COL4A6: variants seen among roughly 807,000 people sequenced by gnomAD.
COL4A6 encodes the protein collagen type IV alpha 6 chain.
Under a neutral mutation model 126.7 loss-of-function variants are expected in COL4A6, and 59 were observed. That is an observed-to-expected ratio of 0.47 (90% CI 0.38 to 0.58). The LOEUF is 0.58. Ranked by LOEUF, COL4A6 falls within the 20% of genes least tolerant of loss-of-function variation. The pLI is 0.00. For missense variants in COL4A6, 1,285 were observed against 1,337.3 expected, an observed-to-expected ratio of 0.96 and a Z score of 0.61; for synonymous variants, 547 against 496.6, an observed-to-expected ratio of 1.10 and a Z score of -1.35.
chrX:108,199,042 G>A (rs1185466474), intron 13 of COL4A6, among the ~76,000 whole-genome samples: 2 of 111,506 alleles, frequency 1.8e-5, no homozygotes, highest in Non-Finnish European at 3.8e-5. Context: ...GATAAAATGT[G>A]TGAGGTGAGG....
At position 108,161,633 on chromosome X, in the gene COL4A6, G is replaced by A. The variant is rs1450780947; in HGVS notation, c.4319C>T (p.Pro1440Leu). The A allele has an allele frequency of 1.7e-6, 2 of 1,143,604 alleles. No individual in the cohort carries two copies. The highest frequency in any genetic ancestry group is 2.3e-6 in the Non-Finnish European group (2 of 860,209). The allele number at this position is 1,143,604 out of a possible 1,213,427, so 94.2% of individuals were successfully genotyped here. A position where few individuals can be genotyped will look rare whatever the true frequency, so the allele number is the denominator to read the frequency against. Residue 1440 changes from proline (P) to leucine (L), a missense_variant, in exon 42 of 45, where the codon CCT becomes CTT. By Grantham distance (98) the Pro-to-Leu change is moderately conservative (BLOSUM62 -3). Transcript: ENST00000334504. Reference protein sequence around the residue: ...GDPGLPGLQGPPGFEGAPGQQ... With the variant: ...GDPGLPGLQGLPGFEGAPGQQ... ...CATCATCAGACCTTCAAATCCTGGA[G>A]GGCCTTGCAGTCCAGGCAGACCAGG...
intron 42 of COL4A6, among the ~76,000 whole-genome samples, chrX:108,160,857 G>A (rs2033909087): frequency 8.9e-6 from 1 of 112,324 alleles, no homozygotes; most frequent in Non-Finnish European, 1.9e-5. Flanking sequence ...CTAGTAAGTG[G>A]TAGAGCTACA....
In COL4A6 at chrX:108,166,176, C is replaced by T. The variant is rs1000138249; in HGVS notation, c.3692-690G>A. 6.2e-5 allele frequency among the ~76,000 whole-genome samples: 7 copies of T among 112,621 alleles called. No homozygotes were observed. In the Admixed American group the frequency reaches 6.6e-4, roughly 11 times the overall value. On this transcript the variant is annotated intron_variant, in intron 37 of 44. Transcript: ENST00000334504. ...AATAGATACAGAATACTCATTTGCTCTAATTTTAATACTGCTTTACATGTT... is the reference window on the plus strand; with the variant it reads ...AATAGATACAGAATACTCATTTGCTTTAATTTTAATACTGCTTTACATGTT...
At chrX:108,279,795 C>G (rs1486274064) in intron 3 of COL4A6, among the ~76,000 whole-genome samples, 1 of 111,994 alleles carries the variant, frequency 8.9e-6, no homozygotes, top group East Asian at 2.8e-4. Flanking sequence ...CAAACTATCT[C>G]TCAGACCACA....
At chrX:108,245,000 C>T (rs1256601587) in intron 3 of COL4A6, among the ~76,000 whole-genome samples, 1 of 112,326 alleles carries the variant, frequency 8.9e-6, no homozygotes. Context: ...CTCTTGCAAA[C>T]AACAACTTGG....
At chrX:108,421,675 C>A (rs1277139832) in intron 2 of COL4A6, among the ~76,000 whole-genome samples, 1 of 111,776 alleles carries the variant, frequency 8.9e-6, no homozygotes, top group Non-Finnish European at 1.9e-5. Context: ...AGCTATGGAC[C>A]TTTTCCCCAG....
At chrX:108,237,973 ATCTG>A (rs778050842) in intron 3 of COL4A6, among the ~76,000 whole-genome samples, 36 of 107,432 alleles carry the variant, frequency 3.4e-4, no homozygotes, top group Non-Finnish European at 5.6e-4. Flanking sequence ...GTTATCTATC[ATCTG>A]TCTATCTTCT....
At chrX:108,435,297 C>T (rs773008357) in intron 2 of COL4A6, among the ~76,000 whole-genome samples, 3 of 111,673 alleles carry the variant, frequency 2.7e-5, no homozygotes, top group African/African-American at 6.5e-5. Flanking sequence ...CTGACTACTT[C>T]GGGATATATG....
At chrX:108,229,329 T>G (rs1042881891) in intron 3 of COL4A6, among the ~76,000 whole-genome samples, 1 of 112,333 alleles carries the variant, frequency 8.9e-6, no homozygotes, top group African/African-American at 3.2e-5. Flanking sequence ...TTCAAATTTC[T>G]TCAGCTGTCA....
At chrX:108,328,332 G>A (rs1458252739) in intron 2 of COL4A6, among the ~76,000 whole-genome samples, 2 of 108,994 alleles carry the variant, frequency 1.8e-5, no homozygotes, top group Admixed American at 9.9e-5. Context: ...AAAACACTAC[G>A]TGATTAAATA....
chrX:108,429,491 A>G (rs1314103261), intron 2 of COL4A6, among the ~76,000 whole-genome samples: 1 of 111,947 alleles, frequency 8.9e-6, no homozygotes, highest in Non-Finnish European at 1.9e-5. Context: ...AACAAAATAC[A>G]CATACAAATA....
chrX:108,309,422 T>C lies in COL4A6; in HGVS notation c.144+1326A>G, dbSNP rs1228846639. Among the ~76,000 whole-genome samples, 3 of 111,400 alleles carry C rather than the reference T, an allele frequency of 2.7e-5. No individual in the cohort carries two copies. In the East Asian group the frequency reaches 8.4e-4, roughly 31 times the overall value. On this transcript the variant is annotated intron_variant, in intron 3 of 44. Coordinates refer to ENST00000334504, the MANE Select transcript of COL4A6 (RefSeq NM_033641.4). ...ATTTTTCTTCTGCGTCTGTTTCCTC[T>C]GTACAATCAACAAATAAGATGTGAA... is the stretch of plus-strand genomic sequence containing the variant.
intron 2 of COL4A6, among the ~76,000 whole-genome samples, chrX:108,427,907 G>A (rs952648355): frequency 8.9e-6 from 1 of 112,130 alleles, no homozygotes; most frequent in Non-Finnish European, 1.9e-5. Context: ...TCTGGGATGA[G>A]AATATTTGTC....
chrX:108,247,582 A>T (rs1270744470), intron 3 of COL4A6, among the ~76,000 whole-genome samples: 1 of 107,784 alleles, frequency 9.3e-6, no homozygotes, highest in Non-Finnish European at 1.9e-5. Context: ...CTTGCCATTG[A>T]TTCTCTTCCC....
Position 108,280,605 on chromosome X carries a change from G to A in COL4A6, c.144+30143C>T, listed in dbSNP as rs1362232282. Among the ~76,000 whole-genome samples, 6 of 111,743 alleles carry A rather than the reference G, an allele frequency of 5.4e-5. No individual in the cohort carries two copies. In the East Asian group the frequency reaches 1.4e-3, roughly 26 times the overall value. On this transcript the variant is annotated intron_variant, in intron 3 of 44. Coordinates refer to ENST00000334504, the MANE Select transcript of COL4A6 (RefSeq NM_033641.4). ...TACCATTCCTTCTGAAACTATTCCA[G>A]TCAATAGAAAAAGACGGAATCCTCC...
chrX:108,185,192 G>C (rs1159868347), intron 23 of COL4A6, among the ~76,000 whole-genome samples: 1 of 110,710 alleles, frequency 9.0e-6, no homozygotes, highest in African/African-American at 3.3e-5. Context: ...AGGAGTTTGA[G>C]ACCAGCCTGG....
chrX:108,226,591 C>T (rs1047688278), intron 3 of COL4A6, among the ~76,000 whole-genome samples: 25 of 110,746 alleles, frequency 2.3e-4, no homozygotes, highest in East Asian at 8.5e-4. Flanking sequence ...TAGTCAATGA[C>T]GTATAAGAGA....
At chrX:108,237,133 C>G (rs779773869) in intron 3 of COL4A6, among the ~76,000 whole-genome samples, 4 of 111,749 alleles carry the variant, frequency 3.6e-5, no homozygotes, top group African/African-American at 1.3e-4. Context: ...CCCTCATTAG[C>G]TCTCACCTGG....
intron 3 of COL4A6, among the ~76,000 whole-genome samples, chrX:108,229,328 C>T (rs1355213515): frequency 8.9e-6 from 1 of 112,285 alleles, no homozygotes; most frequent in Non-Finnish European, 1.9e-5. Flanking sequence ...CTTCAAATTT[C>T]TTCAGCTGTC....
Sources: gnomAD v4.1 joint callset for allele counts (sites outside exome capture counted in the v4.1 genomes callset) on GRCh38, gnomAD v4.1.1 for gene constraint, MANE v1.5 for transcripts, NCBI Gene and HGNC (gene_info 2026-07-23, HGNC 2026-07-21) for gene names.